MMD2: variants seen among roughly 807,000 people sequenced by gnomAD.
MMD2 encodes monocyte to macrophage differentiation factor 2.
MMD2 carries 30 observed loss-of-function variants against 33.5 expected under a neutral mutation model. The ratio of observed to expected loss-of-function variants is 0.90; its 90% CI spans 0.67 to 1.22. The LOEUF (loss-of-function observed/expected upper bound fraction) is 1.22, where lower values mean the gene tolerates loss of function less well. MMD2 is among the 50% of genes most tolerant of loss of function. The pLI is 0.00. For missense variants in MMD2, 364 were observed against 325.4 expected (o/e 1.12, Z -0.91); for synonymous variants, 129 against 123.0 (o/e 1.05, Z -0.32).
At chr7:4,942,946 A>G (rs1785951004) in intron 1 of MMD2, among the ~76,000 whole-genome samples, 1 of 142,444 alleles carries the variant, frequency 7.0e-6, no homozygotes, top group Non-Finnish European at 1.5e-5. Flanking sequence ...TCCTAACTCC[A>G]TCCCAGCCAG....
In MMD2 at chr7:4,906,227, G is replaced by A. The variant is rs1008083685; in HGVS notation, c.*1169C>T. ...GCTGGGCCTGCTACTCACCTCCCCA[G>A]TAAATGTCCAGGCAGCATTGGACAG... On this transcript the variant is annotated 3_prime_UTR_variant, in exon 7 of 7. Transcript: ENST00000401401. 1.1e-5 allele frequency: 4 copies of A among 356,170 alleles called. No individual in the cohort carries two copies. Among genetic ancestry groups the A allele is most frequent in the Non-Finnish European group, 5.0e-6 (1 of 199,212 alleles). The allele number at this position is 356,170 out of a possible 1,614,324, so 22.1% of individuals were successfully genotyped here.
At chr7:4,911,333 AC>A in intron 4 of MMD2, 87 bp from the exon 5 acceptor site, 2 of 1,094,030 alleles carry the variant, frequency 1.8e-6, no homozygotes, top group Non-Finnish European at 2.7e-6. Flanking sequence ...CAGGAAATGG[AC>A]CCCAGGGAAG....
rs1349791849 is a variant in MMD2 at position 4,911,314 on chromosome 7, G to A, written c.366-68C>T. 46 of 1,316,002 alleles carry A rather than the reference G, an allele frequency of 3.5e-5. 1 individual carries two copies. Among genetic ancestry groups the A allele is most frequent in the Non-Finnish European group, 4.8e-5 (45 of 944,650 alleles). The allele number at this position is 1,316,002 out of a possible 1,614,324, so 81.5% of individuals were successfully genotyped here. On this transcript the variant is annotated intron_variant, in intron 4 of 6. Transcript: ENST00000401401. The stretch of plus-strand genomic sequence containing the variant: ...ACCAGGACCCCGGCCCTCGAGGACC[G>A]GCCTGTCACAGGAAATGGACCCCAG...
chr7:4,924,009 G>A lies in MMD2; in HGVS notation c.129+1442C>T, dbSNP rs980838143. On this transcript the variant is annotated intron_variant, in intron 2 of 6. Coordinates refer to ENST00000401401, the MANE Select transcript of MMD2 (RefSeq NM_198403.4). ...AGATCGAGACCATTCTGGCTAACACGGTGAAACCCCGTCTCTACTAAAAAT... is the reference window on the plus strand; with the variant it reads ...AGATCGAGACCATTCTGGCTAACACAGTGAAACCCCGTCTCTACTAAAAAT... 3.2e-4 allele frequency among the ~76,000 whole-genome samples: 49 copies of A among 152,178 alleles called. 1 individual carries two copies. Among genetic ancestry groups the A allele is most frequent in the Non-Finnish European group, 6.8e-4 (46 of 67,996 alleles).
At chr7:4,954,895 C>T (rs1302980632) in intron 1 of MMD2, among the ~76,000 whole-genome samples, 1 of 152,144 alleles carries the variant, frequency 6.6e-6, no homozygotes, top group Non-Finnish European at 1.5e-5. Context: ...AGTGTCTTTT[C>T]TGTATGGTGT....
chr7:4,945,684 C>T (rs1056298287), intron 1 of MMD2, among the ~76,000 whole-genome samples: 4 of 152,178 alleles, frequency 2.6e-5, no homozygotes, highest in African/African-American at 7.2e-5. Context: ...AAACGATTCT[C>T]CTGCCTCAGC....
intron 6 of MMD2, chr7:4,909,627 G>C: frequency 1.5e-6 from 1 of 654,878 alleles, no homozygotes; most frequent in Non-Finnish European, 2.8e-6. Flanking sequence ...TTTAGAGATG[G>C]GTCTTGCTAT....
At chr7:4,920,414 C>T (rs1251689166) in intron 2 of MMD2, 83 bp from the exon 3 acceptor site, 2 of 1,430,530 alleles carry the variant, frequency 1.4e-6, no homozygotes, top group South Asian at 1.3e-5. Flanking sequence ...GGCTGAGCTG[C>T]CCAACGTGGC....
intron 1 of MMD2, among the ~76,000 whole-genome samples, chr7:4,955,152 C>T (rs1168325621): frequency 6.6e-6 from 1 of 152,226 alleles, no homozygotes. Flanking sequence ...CTACCACACA[C>T]AGCTTAAAAC....
intron 5 of MMD2, among the ~76,000 whole-genome samples, chr7:4,910,826 A>G (rs577292308): frequency 6.6e-6 from 1 of 152,294 alleles, no homozygotes; most frequent in East Asian, 1.9e-4. Context: ...ACAGGGTTTC[A>G]TCATGTTGGC....
the MMD2 span, among the ~76,000 whole-genome samples, chr7:4,895,110 G>A: frequency 1.5e-4 from 22 of 144,698 alleles, no homozygotes; most frequent in African/African-American, 5.2e-4. Context: ...ACAGAGTCTC[G>A]CTCTGTCACC....
At chr7:4,950,279 G>A (rs1786205918) in intron 1 of MMD2, among the ~76,000 whole-genome samples, 1 of 152,038 alleles carries the variant, frequency 6.6e-6, no homozygotes, top group African/African-American at 2.4e-5. Flanking sequence ...TGTAATTTTA[G>A]TAGAGATGGG....
chr7:4,915,840 T>C (rs764225208), intron 4 of MMD2, among the ~76,000 whole-genome samples, 165 bp downstream of exon 4: 5 of 112,620 alleles, frequency 4.4e-5, no homozygotes, highest in Non-Finnish European at 7.9e-5. Flanking sequence ...CACAGGAAAG[T>C]GGGTATAAGT....
chr7:4,922,155 G>C (rs1438980340), intron 2 of MMD2, among the ~76,000 whole-genome samples: 3 of 152,134 alleles, frequency 2.0e-5, no homozygotes, highest in African/African-American at 7.2e-5. Context: ...CAACCCAGGA[G>C]GCGGAGGTTG....
intron 2 of MMD2, among the ~76,000 whole-genome samples, chr7:4,923,403 C>T (rs1295351270): frequency 2.0e-5 from 3 of 152,124 alleles, no homozygotes; most frequent in Non-Finnish European, 2.9e-5. Context: ...TGCATCCGGC[C>T]AATTCAGCAC....
At chr7:4,905,650 C>G (rs1784853439), downstream of MMD2, among the ~76,000 whole-genome samples, 1 of 152,070 alleles carries the variant, frequency 6.6e-6, no homozygotes, top group Non-Finnish European at 1.5e-5. The surrounding 1 kb of genome is among the most constrained non-coding windows in gnomAD (Gnocchi z 5.0). Context: ...ACCCCAGAAC[C>G]CCCAGAACCC....
intron 1 of MMD2, among the ~76,000 whole-genome samples, chr7:4,935,911 G>T (rs374050519): frequency 6.6e-6 from 1 of 151,942 alleles, no homozygotes; most frequent in African/African-American, 2.4e-5. Flanking sequence ...TGGGCCGGGC[G>T]CGATGGCTCA....
At chr7:4,923,220 C>T (rs911795418) in intron 2 of MMD2, among the ~76,000 whole-genome samples, 2 of 152,054 alleles carry the variant, frequency 1.3e-5, no homozygotes, top group Non-Finnish European at 2.9e-5. Context: ...TCTCCTGCCT[C>T]AGCCACCTCA....
At chr7:4,911,622 A>ATTTATTTTATTTAT (rs1216767512) in intron 4 of MMD2, among the ~76,000 whole-genome samples, 17 of 150,994 alleles carry the variant, frequency 1.1e-4, no homozygotes, top group African/African-American at 3.4e-4. Flanking sequence ...ATTTTATTTC[A>ATTTATTTTATTTAT]TTTATTTTAT....
Sources: allele counts gnomAD v4.1 joint callset (sites outside exome capture counted in the v4.1 genomes callset), GRCh38; gene constraint gnomAD v4.1.1; non-coding constraint Gnocchi (gnomAD v3.1); transcripts MANE v1.5; gene names NCBI Gene and HGNC (gene_info 2026-07-23, HGNC 2026-07-21).